PCLO: variants seen among roughly 807,000 people sequenced by gnomAD.
PCLO encodes protein piccolo.
Under a neutral mutation model 427.5 loss-of-function variants are expected in PCLO, and 82 were observed. The observed-to-expected ratio is 0.19, with a 90% CI of 0.16 to 0.23. PCLO has a LOEUF of 0.23. Ranked by LOEUF, PCLO falls within the 10% of genes least tolerant of loss-of-function variation. The pLI, the probability that PCLO is intolerant of heterozygous loss-of-function variation, is 1.00. For missense variants in PCLO, 6,239 were observed against 6,115.9 expected (o/e 1.02, Z -0.67); for synonymous variants, 2,357 against 2,155.4 (o/e 1.09, Z -2.59).
intron 3 of PCLO, among the ~76,000 whole-genome samples, chr7:83,130,546 A>G (rs767818690): frequency 6.6e-6 from 1 of 152,100 alleles, no homozygotes; most frequent in Non-Finnish European, 1.5e-5. Flanking sequence ...ATTTCTTCTT[A>G]TTGATAATTC....
intron 22 of PCLO, among the ~76,000 whole-genome samples, chr7:82,770,943 G>T (rs1322921552): frequency 6.6e-6 from 1 of 151,854 alleles, no homozygotes; most frequent in Non-Finnish European, 1.5e-5. Flanking sequence ...CCAGAAATAT[G>T]TTTTCTGAAC....
intron 6 of PCLO, among the ~76,000 whole-genome samples, chr7:82,927,220 G>T (rs1230137437): frequency 2.6e-5 from 4 of 152,144 alleles, no homozygotes; most frequent in African/African-American, 9.6e-5. Context: ...ATTGTACACT[G>T]CCTTTGGGGT....
At chr7:82,902,972 CTTG>C (rs969421042) in intron 8 of PCLO, among the ~76,000 whole-genome samples, 17 of 151,922 alleles carry the variant, frequency 1.1e-4, no homozygotes, top group East Asian at 1.9e-4. Context: ...TGCAAAATGA[CTTG>C]TTGTATTTGA....
intron 10 of PCLO, chr7:82,868,233 G>T (rs1440914166): frequency 2.2e-6 from 1 of 456,498 alleles, no homozygotes; most frequent in Non-Finnish European, 4.4e-6. Context: ...CAGAAATAGA[G>T]ACTTTCTTGC....
At chr7:82,877,915 G>T (rs1367916228) in intron 10 of PCLO, among the ~76,000 whole-genome samples, 1 of 152,074 alleles carries the variant, frequency 6.6e-6, no homozygotes, top group African/African-American at 2.4e-5. Flanking sequence ...CAAGAGATCT[G>T]CCCGCCTTGG....
At position 83,001,505 on chromosome 7, in the gene PCLO, A is replaced by AACACACACACACAC. The variant is rs3035080; in HGVS notation, c.3301-35032_3301-35019dup. ...CTTTGTTCACTCTAACACACATACA[A>AACACACACACACAC]ACACACACACACACACACACACACA... is the stretch of plus-strand genomic sequence containing the variant. On this transcript the variant is annotated intron_variant, in intron 3 of 24. Transcript: ENST00000333891. 6.7e-3 allele frequency among the ~76,000 whole-genome samples: 1,002 copies of AACACACACACACAC among 149,134 alleles called. 13 individuals carry two copies. The highest frequency in any genetic ancestry group is 0.023 in the African/African-American group (940 of 40,732).
At chr7:82,905,688 AG>A (rs1371002680) in intron 8 of PCLO, among the ~76,000 whole-genome samples, 7 of 151,958 alleles carry the variant, frequency 4.6e-5, no homozygotes, top group Non-Finnish European at 1.0e-4. Flanking sequence ...GGATGAGTGG[AG>A]GAAAAGTGTC....
chr7:82,974,903 G>A (rs974832465), intron 3 of PCLO, among the ~76,000 whole-genome samples: 9 of 151,554 alleles, frequency 5.9e-5, no homozygotes, highest in East Asian at 1.9e-4. Context: ...CTCAGCCTCC[G>A]GAGTAGCTGG....
chr7:83,020,806 G>C (rs1472586178), intron 3 of PCLO, among the ~76,000 whole-genome samples: 2 of 151,998 alleles, frequency 1.3e-5, no homozygotes, highest in African/African-American at 4.8e-5. Flanking sequence ...AGAAGGGAAG[G>C]GTAGAAATGA....
chr7:83,029,967 G>A lies in PCLO; in HGVS notation c.3301-63480C>T, dbSNP rs187491847. On this transcript the variant is annotated intron_variant, in intron 3 of 24. Coordinates refer to ENST00000333891, the MANE Select transcript of PCLO (RefSeq NM_033026.6). ...CACACTCTGGGGACTGTTGTGGGGT[G>A]GGGGGAGGGGGGAGGGATAGCATTG... is the stretch of plus-strand genomic sequence containing the variant. Among the ~76,000 whole-genome samples the A allele has an allele frequency of 3.5e-4, 40 of 113,980 alleles. 2 individuals carry two copies. The highest frequency in any genetic ancestry group is 2.9e-3 in the Admixed American group (30 of 10,524). The allele number at this position is 113,980 out of a possible 152,430, so 74.8% of individuals were successfully genotyped here.
rs767113612 is a variant in PCLO, at chr7:82,822,699, A to T, written c.14597-10T>A. On this transcript the variant is annotated splice_polypyrimidine_tract_variant and intron_variant, in intron 19 of 24. Transcript: ENST00000333891. ...GTGGGAACCTGCATGTCTGGTCACAAAAGGGTAAAACATGAGTTAAAGTTG... is the reference window on the plus strand; with the variant it reads ...GTGGGAACCTGCATGTCTGGTCACATAAGGGTAAAACATGAGTTAAAGTTG... 3.7e-6 allele frequency: 6 copies of T among 1,611,082 alleles called. No individual in the cohort carries two copies. The Admixed American group carries it at 8.3e-5, about 22-fold the overall frequency.
At chr7:82,800,302 C>A (rs1372649447) in intron 22 of PCLO, among the ~76,000 whole-genome samples, 1 of 152,118 alleles carries the variant, frequency 6.6e-6, no homozygotes. Flanking sequence ...CTAATAAAGA[C>A]CAGAATTGAA....
At chr7:83,079,237 A>G (rs1790033789) in intron 3 of PCLO, among the ~76,000 whole-genome samples, 2 of 152,172 alleles carry the variant, frequency 1.3e-5, no homozygotes, top group South Asian at 4.1e-4. Context: ...ATTCAACACA[A>G]TTGTTAACCA....
intron 7 of PCLO, among the ~76,000 whole-genome samples, chr7:82,913,961 C>G (rs1450908272): frequency 6.6e-6 from 1 of 151,942 alleles, no homozygotes; most frequent in East Asian, 1.9e-4. Context: ...AAGAAGTTTA[C>G]AAGGTTTCAA....
At chr7:82,862,098 A>C (rs987072109) in intron 10 of PCLO, among the ~76,000 whole-genome samples, 9 of 152,022 alleles carry the variant, frequency 5.9e-5, no homozygotes, top group Admixed American at 5.9e-4. Context: ...AAGAAAACAA[A>C]TAATAAAGAA....
At chr7:82,773,587 G>C (rs2129467896) in intron 22 of PCLO, among the ~76,000 whole-genome samples, 1 of 152,038 alleles carries the variant, frequency 6.6e-6, no homozygotes, top group South Asian at 2.1e-4. Flanking sequence ...ATATTTTACT[G>C]TTCCATTCTA....
chr7:82,905,962 C>T (rs1173511909), intron 8 of PCLO, among the ~76,000 whole-genome samples: 1 of 151,642 alleles, frequency 6.6e-6, no homozygotes, highest in Non-Finnish European at 1.5e-5. Context: ...GTGCAATTCA[C>T]AAAGCAGTGC....
At chr7:82,812,105 T>C (rs887541868) in intron 20 of PCLO, among the ~76,000 whole-genome samples, 1 of 151,478 alleles carries the variant, frequency 6.6e-6, no homozygotes, top group Non-Finnish European at 1.5e-5. Context: ...ATTTGCTGTG[T>C]TCCAGAAAGA....
At chr7:82,912,850 TAAATC>T (rs1794355905) in intron 7 of PCLO, among the ~76,000 whole-genome samples, 1 of 152,080 alleles carries the variant, frequency 6.6e-6, no homozygotes, top group African/African-American at 2.4e-5. Flanking sequence ...TCTATGATGA[TAAATC>T]AAACTCTCTT....
Sources: allele counts gnomAD v4.1 joint callset (sites outside exome capture counted in the v4.1 genomes callset), GRCh38; gene constraint gnomAD v4.1.1; transcripts MANE v1.5; gene names NCBI Gene and HGNC (gene_info 2026-07-23, HGNC 2026-07-21).